The following NEO1 variants were observed in gnomAD, a reference collection of about 807,000 sequenced individuals.
NEO1 encodes the protein neogenin.
Under a neutral mutation model 159.7 loss-of-function variants are expected in NEO1, and 63 were observed. The ratio of observed to expected loss-of-function variants is 0.39; its 90% CI spans 0.32 to 0.49. The LOEUF (loss-of-function observed/expected upper bound fraction) is 0.49. Among genes scored for constraint, NEO1 ranks in the 20% least tolerant of loss-of-function variants. The pLI, the probability that NEO1 is intolerant of heterozygous loss-of-function variation, is 0.85. For synonymous variants in NEO1, 633 were observed against 662.0 expected, an observed-to-expected ratio of 0.96 and a Z score of 0.67; for missense variants, 1,615 against 1,831.0, an observed-to-expected ratio of 0.88 and a Z score of 2.15.
chr15:73,221,067 T>G (rs2038226252), intron 7 of NEO1, among the ~76,000 whole-genome samples: 1 of 152,196 alleles, frequency 6.6e-6, no homozygotes, highest in Admixed American at 6.5e-5. Flanking sequence ...TTATCTACTT[T>G]TGGTCTTTGA....
intron 1 of NEO1, among the ~76,000 whole-genome samples, chr15:73,054,615 G>A (rs2067613499): frequency 6.6e-6 from 1 of 152,184 alleles, no homozygotes; most frequent in Non-Finnish European, 1.5e-5. Context: ...CAAGAACTGA[G>A]ATCTGAGGAG....
intron 1 of NEO1, among the ~76,000 whole-genome samples, chr15:73,095,440 T>C (rs2069962068): frequency 1.3e-5 from 2 of 152,206 alleles, no homozygotes; most frequent in Non-Finnish European, 2.9e-5. Flanking sequence ...GTTTACTTTT[T>C]ATTGCCTAGA....
At chr15:73,095,941 T>C (rs1478527994) in intron 1 of NEO1, among the ~76,000 whole-genome samples, 1 of 152,216 alleles carries the variant, frequency 6.6e-6, no homozygotes, top group African/African-American at 2.4e-5. Flanking sequence ...ATCAGAGCAG[T>C]ATGAATTCTG....
rs146957391 is a variant in NEO1, at chr15:73,085,975, A to G, written c.131-30565A>G. ...TTCGACTTGCCAGTTTTTTTCTTTT[A>G]TGAATTATGTTTTTAGTGTTATGTC... On this transcript the variant is annotated intron_variant, in intron 1 of 28. Coordinates refer to ENST00000261908, the MANE Select transcript of NEO1 (RefSeq NM_002499.4). Among the ~76,000 whole-genome samples, 1,066 of 152,136 alleles carry G rather than the reference A, an allele frequency of 7.0e-3. 14 individuals carry two copies. The highest frequency in any genetic ancestry group is 0.024 in the African/African-American group (1,016 of 41,512).
chr15:73,237,432 C>T (rs1423876216), intron 8 of NEO1, among the ~76,000 whole-genome samples: 1 of 152,222 alleles, frequency 6.6e-6, no homozygotes, highest in African/African-American at 2.4e-5. Flanking sequence ...ACTGTTCACA[C>T]ATTGCCGAGT....
rs2040480476 is a variant in NEO1 at position 73,258,756 on chromosome 15, T to C, written c.2093-10T>C. On this transcript the variant is annotated splice_polypyrimidine_tract_variant and intron_variant, in intron 13 of 28. Coordinates refer to ENST00000261908, the MANE Select transcript of NEO1 (RefSeq NM_002499.4). ...TTGTTTCAGTTGTCTTCTTTGTCAT[T>C]TGGTCTCAGGTCTTGATCGGGGGAC... 3 of 1,607,848 alleles carry C rather than the reference T, an allele frequency of 1.9e-6. No homozygotes were observed. The Admixed American group carries it at 5.0e-5, about 27-fold the overall frequency.
At chr15:73,194,116 G>A (rs1432489066) in intron 7 of NEO1, among the ~76,000 whole-genome samples, 1 of 152,092 alleles carries the variant, frequency 6.6e-6, no homozygotes, top group Non-Finnish European at 1.5e-5. Flanking sequence ...AGCAGTTGGA[G>A]GACTCCAGCA....
intron 16 of NEO1, among the ~76,000 whole-genome samples, chr15:73,267,119 G>A (rs769091915): frequency 3.9e-5 from 6 of 152,114 alleles, no homozygotes; most frequent in Non-Finnish European, 8.8e-5. Flanking sequence ...TTAGCCAGGC[G>A]TGGTGCTGGG....
At chr15:73,174,667 G>A (rs1056118075) in intron 5 of NEO1, among the ~76,000 whole-genome samples, 2 of 152,086 alleles carry the variant, frequency 1.3e-5, no homozygotes, top group Non-Finnish European at 2.9e-5. Flanking sequence ...ATCCACTACT[G>A]CAAAGAAGGA....
chr15:73,152,081 A>T (rs1045618977), intron 5 of NEO1, among the ~76,000 whole-genome samples: 1 of 152,196 alleles, frequency 6.6e-6, no homozygotes, highest in African/African-American at 2.4e-5. Context: ...AAATACATAA[A>T]TACATGTATG....
chr15:73,057,494 A>G (rs1197477184), intron 1 of NEO1, among the ~76,000 whole-genome samples: 2 of 152,218 alleles, frequency 1.3e-5, no homozygotes, highest in African/African-American at 4.8e-5. Context: ...GTCAGAGGAA[A>G]TGACTGTAGG....
intron 5 of NEO1, among the ~76,000 whole-genome samples, chr15:73,171,612 CTA>C (rs889541028): frequency 2.9e-5 from 4 of 139,010 alleles, no homozygotes; most frequent in Non-Finnish European, 4.7e-5. Context: ...TATTAAGAAA[CTA>C]TTATTATTAT....
intron 7 of NEO1, among the ~76,000 whole-genome samples, chr15:73,194,441 C>T (rs1449516128): frequency 6.6e-6 from 1 of 152,168 alleles, no homozygotes; most frequent in Non-Finnish European, 1.5e-5. Flanking sequence ...TCATCTGCTT[C>T]CAATGAGGGC....
At chr15:73,274,215 T>A (rs1476541666) in intron 20 of NEO1, among the ~76,000 whole-genome samples, 2 of 152,182 alleles carry the variant, frequency 1.3e-5, no homozygotes, top group Non-Finnish European at 2.9e-5. Context: ...AAACATATCA[T>A]ATAAAAGAGG....
intron 1 of NEO1, among the ~76,000 whole-genome samples, chr15:73,115,506 TATATA>T (rs2071259260): frequency 6.6e-6 from 1 of 152,236 alleles, no homozygotes; most frequent in Admixed American, 6.5e-5. Flanking sequence ...GTTTGTTCAT[TATATA>T]ATATAGAATT....
chr15:73,154,824 T>C (rs988048032), intron 5 of NEO1, among the ~76,000 whole-genome samples: 2 of 152,350 alleles, frequency 1.3e-5, no homozygotes, highest in South Asian at 2.1e-4. Context: ...TAAGTGGAGC[T>C]CTTAATCCAT....
intron 8 of NEO1, among the ~76,000 whole-genome samples, chr15:73,243,976 C>T (rs940598148): frequency 8.5e-5 from 13 of 152,116 alleles, no homozygotes; most frequent in Non-Finnish European, 8.8e-5. Context: ...TTAGGTCATA[C>T]CAATATCCAC....
intron 22 of NEO1, among the ~76,000 whole-genome samples, chr15:73,280,000 A>G (rs374031779): frequency 1.3e-5 from 2 of 152,350 alleles, no homozygotes; most frequent in East Asian, 3.9e-4. Context: ...CCTACAAATA[A>G]CATGTGAAAT....
At chr15:73,156,394 G>A (rs1381433754) in intron 5 of NEO1, among the ~76,000 whole-genome samples, 1 of 152,162 alleles carries the variant, frequency 6.6e-6, no homozygotes, top group Non-Finnish European at 1.5e-5. Context: ...GGTATATGCT[G>A]GCACCCATGT....
Sources: allele counts gnomAD v4.1 joint callset (sites outside exome capture counted in the v4.1 genomes callset), GRCh38; gene constraint gnomAD v4.1.1; transcripts MANE v1.5; gene names NCBI Gene and HGNC (gene_info 2026-07-23, HGNC 2026-07-21).